The following DPP6 variants were observed in gnomAD, a reference collection of about 807,000 sequenced individuals.
The protein encoded by DPP6 is A-type potassium channel modulatory protein DPP6.
In DPP6, 69 loss-of-function variants were observed where a neutral mutation model predicts 122.6. That is an observed-to-expected ratio of 0.56 (90% CI 0.46 to 0.69). The LOEUF is 0.69. Ranked by LOEUF, DPP6 falls within the 30% of genes least tolerant of loss-of-function variation. The pLI is 0.00. For missense variants in DPP6, 928 were observed against 1,116.9 expected, an observed-to-expected ratio of 0.83 and a Z score of 2.41; for synonymous variants, 418 against 433.1, an observed-to-expected ratio of 0.97 and a Z score of 0.43.
intron 1 of DPP6, among the ~76,000 whole-genome samples, chr7:154,270,374 G>T (rs1307442290): frequency 6.6e-6 from 1 of 152,098 alleles, no homozygotes; most frequent in African/African-American, 2.4e-5. Flanking sequence ...CATTTAGAAT[G>T]GATAGAAGGA....
rs1277933209 is a variant in DPP6, at chr7:154,481,801, C to A, written c.457+6764C>A. On this transcript the variant is annotated intron_variant, in intron 3 of 25. Transcript: ENST00000377770. The surrounding 1 kb of genome is among the most constrained non-coding windows in gnomAD (Gnocchi z 4.2). ...AGTTGCTCCCTAATTCTTGCTCTGC[C>A]CCACATTGACTCTTCTGGTTTTGGA... Among the ~76,000 whole-genome samples, 1 of 152,128 alleles carries A rather than the reference C, an allele frequency of 6.6e-6. No homozygotes were observed. Among genetic ancestry groups the A allele is most frequent in the Non-Finnish European group, 1.5e-5 (1 of 68,030 alleles).
intron 1 of DPP6, among the ~76,000 whole-genome samples, chr7:154,315,116 T>C (rs1807322257): frequency 6.6e-6 from 1 of 152,182 alleles, no homozygotes; most frequent in African/African-American, 2.4e-5. Context: ...CCGTTGTGTA[T>C]CTCCCCAATT....
Position 154,474,952 on chromosome 7 carries a change from T to G in DPP6, c.372T>G (p.Ser124Arg). 6.2e-7 allele frequency: 1 copy of G among 1,613,422 alleles called. No homozygotes were observed. The highest frequency in any genetic ancestry group is 8.5e-7 in the Non-Finnish European group (1 of 1,179,472). ...VILLTPAEDN[S>R]LSQKKKVTVE... ...ATTTTTTTCTAGCGGAAGATAATAG[T>G]CTGTCTCAAAAGAAGAAGGTCACTG... Residue 124 changes from serine (S) to arginine (R), a missense_variant, in exon 3 of 26, where the codon AGT (serine) becomes AGG (arginine). Ser to Arg is a moderately radical substitution (Grantham distance 110). Coordinates refer to ENST00000377770, the MANE Select transcript of DPP6 (RefSeq NM_130797.4).
At chr7:154,078,126 G>A (rs1278988487) in intron 1 of DPP6, among the ~76,000 whole-genome samples, 2 of 151,986 alleles carry the variant, frequency 1.3e-5, no homozygotes, top group Non-Finnish European at 2.9e-5. Context: ...ATTCAGGACT[G>A]TATTTTATAT....
intron 13 of DPP6, among the ~76,000 whole-genome samples, chr7:154,802,412 C>T (rs748430198): frequency 1.3e-5 from 2 of 151,646 alleles, no homozygotes; most frequent in Non-Finnish European, 2.9e-5. Flanking sequence ...ATGGAAATGG[C>T]GTCTCTTGGA....
At chr7:154,342,654 C>T (rs2337885) in intron 1 of DPP6, among the ~76,000 whole-genome samples, 17,015 of 152,210 alleles carry the variant, frequency 0.11, 1,384 homozygotes, top group African/African-American at 0.22. Flanking sequence ...TATCCAGGAA[C>T]TGATGTGAAC....
intron 5 of DPP6, among the ~76,000 whole-genome samples, chr7:154,616,473 A>AC (rs1834263953): frequency 6.6e-6 from 1 of 152,100 alleles, no homozygotes; most frequent in Non-Finnish European, 1.5e-5. Context: ...AGAATCAAAA[A>AC]CAATACTGAG....
chr7:154,352,410 C>T (rs1480178619), intron 1 of DPP6, among the ~76,000 whole-genome samples: 2 of 151,882 alleles, frequency 1.3e-5, no homozygotes, highest in Non-Finnish European at 2.9e-5. Context: ...TTGCAGTGAG[C>T]CGAGATCATG....
At chr7:154,622,108 A>G (rs1451571497) in intron 5 of DPP6, among the ~76,000 whole-genome samples, 1 of 152,218 alleles carries the variant, frequency 6.6e-6, no homozygotes, top group Non-Finnish European at 1.5e-5. Flanking sequence ...GCCAGGCAGT[A>G]GGATCACTCA....
At chr7:154,203,744 G>A (rs770812800) in intron 1 of DPP6, among the ~76,000 whole-genome samples, 94 of 152,342 alleles carry the variant, frequency 6.2e-4, no homozygotes, top group Non-Finnish European at 4.7e-4. Context: ...CTGTGAGGCC[G>A]TAGTGCAGTG....
intron 1 of DPP6, among the ~76,000 whole-genome samples, chr7:154,338,331 T>C (rs1421414104): frequency 3.3e-5 from 5 of 152,096 alleles, no homozygotes; most frequent in Non-Finnish European, 7.3e-5. Context: ...CTGAGAGATA[T>C]CTTAATATGA....
At chr7:154,650,123 C>T (rs1234599806) in intron 6 of DPP6, among the ~76,000 whole-genome samples, 1 of 152,092 alleles carries the variant, frequency 6.6e-6, no homozygotes, top group Admixed American at 6.6e-5. Flanking sequence ...AGTTTGAGAC[C>T]AGCCTGGGCA....
chr7:154,486,292 C>T lies in DPP6; in HGVS notation c.457+11255C>T, dbSNP rs1823792067. On this transcript the variant is annotated intron_variant, in intron 3 of 25. Transcript: ENST00000377770. The surrounding 1 kb of genome is among the most constrained non-coding windows in gnomAD (Gnocchi z 4.5). ...GGGACTACAGGTGTGTGCCACCACG[C>T]CCAGCTAATTTTTGTATTTTTAGAA... Among the ~76,000 whole-genome samples, 1 of 152,128 alleles carries T rather than the reference C, an allele frequency of 6.6e-6. No homozygotes were observed. Among genetic ancestry groups the T allele is most frequent in the South Asian group, 2.1e-4 (1 of 4,828 alleles).
chr7:153,774,809 T>G, the DPP6 span, among the ~76,000 whole-genome samples: 9 of 151,762 alleles, frequency 5.9e-5, no homozygotes, highest in Non-Finnish European at 8.8e-5. Context: ...TATGAAAAAT[T>G]TTTAAGTTAA....
At chr7:153,840,117 T>A in the DPP6 span, among the ~76,000 whole-genome samples, 1 of 152,210 alleles carries the variant, frequency 6.6e-6, no homozygotes, top group Non-Finnish European at 1.5e-5. Flanking sequence ...TTACACAAGA[T>A]GCACATTTTT....
At chr7:153,767,121 T>C in the DPP6 span, among the ~76,000 whole-genome samples, 1 of 151,966 alleles carries the variant, frequency 6.6e-6, no homozygotes, top group Non-Finnish European at 1.5e-5. Flanking sequence ...AAGTCAGGGG[T>C]GAAAAGTAAA....
At chr7:153,909,260 G>A (rs1035741421) in intron 1 of DPP6, among the ~76,000 whole-genome samples, 7 of 152,064 alleles carry the variant, frequency 4.6e-5, no homozygotes, top group South Asian at 2.1e-4. Context: ...CAGCTTGTGC[G>A]GAAAATTACC....
chr7:154,161,446 G>A (rs1212334728), intron 1 of DPP6, among the ~76,000 whole-genome samples: 2 of 151,984 alleles, frequency 1.3e-5, no homozygotes, highest in Non-Finnish European at 2.9e-5. Flanking sequence ...GCAGTGAGCC[G>A]AGATCATACC....
intron 1 of DPP6, among the ~76,000 whole-genome samples, chr7:153,933,238 C>G (rs1274651954): frequency 6.6e-6 from 1 of 151,962 alleles, no homozygotes; most frequent in Non-Finnish European, 1.5e-5. Flanking sequence ...GACCAATGAT[C>G]TCTAAAATTG....
Sources: gnomAD v4.1 joint callset for allele counts (sites outside exome capture counted in the v4.1 genomes callset) on GRCh38, gnomAD v4.1.1 for gene constraint, Gnocchi (gnomAD v3.1) non-coding constraint, MANE v1.5 for transcripts, NCBI Gene and HGNC (gene_info 2026-07-23, HGNC 2026-07-21) for gene names.